The following PIGL variants were observed in gnomAD, a reference collection of about 807,000 sequenced individuals.
The protein encoded by PIGL is N-acetylglucosaminyl-phosphatidylinositol de-N-acetylase.
A neutral mutation model predicts 31.1 loss-of-function variants in PIGL; 22 were observed. That is an observed-to-expected ratio of 0.71 (90% CI 0.51 to 1.01). PIGL has a LOEUF of 1.01. Ranked by LOEUF, PIGL falls within the 50% of genes least tolerant of loss-of-function variation. The pLI is 0.00. For missense variants in PIGL, 302 were observed against 315.9 expected, an observed-to-expected ratio of 0.96 and a Z score of 0.33; for synonymous variants, 131 against 117.4, an observed-to-expected ratio of 1.12 and a Z score of -0.75.
At chr17:16,218,944 G>A (rs542564359) in intron 1 of PIGL, among the ~76,000 whole-genome samples, 90 of 151,976 alleles carry the variant, frequency 5.9e-4, no homozygotes, top group South Asian at 1.7e-3. Context: ...CTCCCAAAGT[G>A]CTTGGGATTA....
rs2093036789 is a variant in PIGL at position 16,308,815 on chromosome 17, A to G, written c.427-4732A>G. ...GGCTTTTTTTTTTTTTTTTTTCGAGACAAGGTCTCCCTCTGTTGCCCAGGC... is the reference window on the plus strand; with the variant it reads ...GGCTTTTTTTTTTTTTTTTTTCGAGGCAAGGTCTCCCTCTGTTGCCCAGGC... On this transcript the variant is annotated intron_variant, in intron 3 of 6. Coordinates refer to ENST00000225609, the MANE Select transcript of PIGL (RefSeq NM_004278.4). Among the ~76,000 whole-genome samples, 3 of 121,336 alleles carry G rather than the reference A, an allele frequency of 2.5e-5. No homozygotes were observed. In the Admixed American group the frequency reaches 2.7e-4, roughly 11 times the overall value. The allele number at this position is 121,336 out of a possible 152,430, so 79.6% of individuals were successfully genotyped here.
At chr17:16,289,977 T>C (rs1183845433) in intron 2 of PIGL, among the ~76,000 whole-genome samples, 1 of 151,916 alleles carries the variant, frequency 6.6e-6, no homozygotes, top group East Asian at 1.9e-4. Flanking sequence ...GGTTTCTCCA[T>C]GTTGGTCAGG....
intron 2 of PIGL, among the ~76,000 whole-genome samples, chr17:16,270,754 G>A (rs921907933): frequency 2.0e-5 from 3 of 151,908 alleles, no homozygotes; most frequent in Admixed American, 1.3e-4. Flanking sequence ...AAAATTAGCC[G>A]GGTGTGGTGG....
At position 16,317,859 on chromosome 17, in the gene PIGL, C is replaced by T. The variant is rs374224976; in HGVS notation, c.611C>T (p.Thr204Met). The change falls in exon 6 of 7, where the codon ACG (threonine) becomes ATG (methionine). Residue 204 changes from threonine (T) to methionine (M), a missense_variant. Thr to Met is a moderately conservative substitution (Grantham distance 81, BLOSUM62 -1). Transcript: ENST00000225609. Reference protein sequence around the residue: ...LLDLPLSLLHTQDVLFVLNSK... With the variant: ...LLDLPLSLLHMQDVLFVLNSK... ...GATCTGCCCTTGTCTCTGCTTCATA[C>T]GCAGGATGTCCTCTTCGTGCTCAAC... 50 of 1,613,940 alleles carry T rather than the reference C, an allele frequency of 3.1e-5. No homozygotes were observed. The highest frequency in any genetic ancestry group is 2.3e-4 in the South Asian group (21 of 91,076).
chr17:16,272,758 A>G (rs2092878014), intron 2 of PIGL, among the ~76,000 whole-genome samples: 1 of 151,174 alleles, frequency 6.6e-6, no homozygotes, highest in Middle Eastern at 3.4e-3. Flanking sequence ...TCCAGAAACC[A>G]CTCTTGGCTT....
chr17:16,238,718 G>A (rs2092709980), intron 2 of PIGL, among the ~76,000 whole-genome samples: 1 of 150,592 alleles, frequency 6.6e-6, no homozygotes, highest in African/African-American at 2.4e-5. Context: ...AGACCATCCT[G>A]ACCAAAATGG....
chr17:16,317,000 G>C, intron 5 of PIGL: 4 of 1,196,738 alleles, frequency 3.3e-6, no homozygotes, highest in South Asian at 4.7e-5. Flanking sequence ...TATTCTTCCA[G>C]TCTGAACTCA....
At chr17:16,234,461 G>A (rs1157648235) in intron 2 of PIGL, among the ~76,000 whole-genome samples, 1 of 149,918 alleles carries the variant, frequency 6.7e-6, no homozygotes, top group African/African-American at 2.5e-5. Flanking sequence ...GAAAAGAAAA[G>A]TCTACATAAA....
At chr17:16,304,536 T>A (rs2093018772) in intron 3 of PIGL, among the ~76,000 whole-genome samples, 1 of 152,088 alleles carries the variant, frequency 6.6e-6, no homozygotes, top group South Asian at 2.1e-4. Context: ...GGTGGGAGGA[T>A]CACTTGAGGC....
intron 1 of PIGL, among the ~76,000 whole-genome samples, chr17:16,228,613 C>T (rs9903871): frequency 0.31 from 47,603 of 151,476 alleles, 8,225 homozygotes; most frequent in Non-Finnish European, 0.4. Flanking sequence ...TGGTCTCGAT[C>T]TCCTGACCTC....
chr17:16,223,040 A>G (rs1459069514), intron 1 of PIGL, among the ~76,000 whole-genome samples: 1 of 152,072 alleles, frequency 6.6e-6, no homozygotes, highest in Non-Finnish European at 1.5e-5. Context: ...AAATGAAAAG[A>G]ATGCCTCGGT....
intron 1 of PIGL, chr17:16,217,715 A>G (rs915619048): frequency 2.2e-5 from 11 of 493,512 alleles, no homozygotes; most frequent in African/African-American, 7.7e-5. Context: ...GGTTGTATTC[A>G]GTACCTGCAT....
At chr17:16,283,481 T>C (rs1463410547) in intron 2 of PIGL, among the ~76,000 whole-genome samples, 1 of 151,778 alleles carries the variant, frequency 6.6e-6, no homozygotes, top group East Asian at 1.9e-4. Flanking sequence ...AAAAAAAAGA[T>C]ATTTCTGAGG....
chr17:16,321,091 CCACG>C (rs1351674544), intron 6 of PIGL, among the ~76,000 whole-genome samples: 1 of 152,002 alleles, frequency 6.6e-6, no homozygotes, highest in Non-Finnish European at 1.5e-5. Context: ...GCGCATGCCA[CCACG>C]CCTAGCTAAT....
chr17:16,280,097 G>A (rs1219620429), intron 2 of PIGL, among the ~76,000 whole-genome samples: 2 of 152,204 alleles, frequency 1.3e-5, no homozygotes, highest in Non-Finnish European at 2.9e-5. Flanking sequence ...CACTGAGGAA[G>A]AGCCTAGAGC....
intron 2 of PIGL, among the ~76,000 whole-genome samples, chr17:16,252,692 C>G (rs2092777781): frequency 6.6e-6 from 1 of 151,996 alleles, no homozygotes; most frequent in African/African-American, 2.4e-5. Context: ...CAAGTGAATG[C>G]TAGATTACAA....
intron 2 of PIGL, among the ~76,000 whole-genome samples, chr17:16,237,549 C>G (rs567562095): frequency 1.1e-4 from 16 of 151,700 alleles, no homozygotes; most frequent in African/African-American, 3.1e-4. Flanking sequence ...ACCTGTAATC[C>G]AAGCACTTTG....
At position 16,270,158 on chromosome 17, in the gene PIGL, G is replaced by T. The variant is rs181548636; in HGVS notation, c.336-29730G>T. Among the ~76,000 whole-genome samples, 40 of 151,950 alleles carry T rather than the reference G, an allele frequency of 2.6e-4. 1 individual carries two copies. In the East Asian group the frequency reaches 7.6e-3, roughly 29 times the overall value. Reference sequence around the variant, plus strand: ...CAAAAAATTAGCTGGGCATGGTGGTGGGCACCTGTAATCCCAGCTACTCAG... The same window carrying T: ...CAAAAAATTAGCTGGGCATGGTGGTTGGCACCTGTAATCCCAGCTACTCAG... On this transcript the variant is annotated intron_variant, in intron 2 of 6. Transcript: ENST00000225609.
chr17:16,229,765 A>G (rs1432464898), intron 1 of PIGL, among the ~76,000 whole-genome samples: 2 of 151,530 alleles, frequency 1.3e-5, no homozygotes, highest in Admixed American at 6.6e-5. Context: ...GCATCTTTTC[A>G]CATGCTTATT....
Sources: gnomAD v4.1 joint callset for allele counts (sites outside exome capture counted in the v4.1 genomes callset) on GRCh38, gnomAD v4.1.1 for gene constraint, MANE v1.5 for transcripts, NCBI Gene and HGNC (gene_info 2026-07-23, HGNC 2026-07-21) for gene names.